Variants in CAB39L observed in about 807,000 individuals in gnomAD.
The protein encoded by CAB39L is calcium-binding protein 39-like.
A neutral mutation model predicts 39.1 loss-of-function variants in CAB39L; 23 were observed. The ratio of observed to expected loss-of-function variants is 0.59; its 90% CI spans 0.42 to 0.83. The LOEUF (loss-of-function observed/expected upper bound fraction) is 0.83, where lower values mean the gene tolerates loss of function less well. Ranked by LOEUF, CAB39L falls within the 40% of genes least tolerant of loss-of-function variation. The pLI is 0.00. For missense variants in CAB39L, 366 were observed against 391.9 expected, an observed-to-expected ratio of 0.93 and a Z score of 0.56; for synonymous variants, 126 against 137.2, an observed-to-expected ratio of 0.92 and a Z score of 0.57.
At chr13:49,322,421 C>T (rs146307680) in intron 10 of CAB39L, among the ~76,000 whole-genome samples, 60 of 152,304 alleles carry the variant, frequency 3.9e-4, no homozygotes, top group African/African-American at 1.4e-3. Context: ...TGGCCCGCAG[C>T]GACTGCTCAT....
chr13:49,365,137 A>C (rs1312220636), intron 5 of CAB39L, among the ~76,000 whole-genome samples: 2 of 152,158 alleles, frequency 1.3e-5, no homozygotes, highest in African/African-American at 2.4e-5. Context: ...ATCCAGAAAC[A>C]AATCTACACA....
At chr13:49,313,976 C>T (rs1342923591) in intron 10 of CAB39L, among the ~76,000 whole-genome samples, 4 of 152,180 alleles carry the variant, frequency 2.6e-5, no homozygotes, top group Non-Finnish European at 5.9e-5. Flanking sequence ...ACTGCAGAGG[C>T]TCCCATCCCA....
intron 7 of CAB39L, among the ~76,000 whole-genome samples, chr13:49,349,436 G>A (rs920403572): frequency 4.8e-5 from 7 of 147,106 alleles, no homozygotes; most frequent in Non-Finnish European, 1.0e-4. Flanking sequence ...AAATGCTTTT[G>A]AAGAAATGAA....
intron 1 of CAB39L, among the ~76,000 whole-genome samples, chr13:49,441,611 T>C (rs534357820): frequency 6.6e-6 from 1 of 152,188 alleles, no homozygotes. Context: ...TGTATGGACA[T>C]GCTGGAGTTT....
At chr13:49,382,438 C>G (rs1956269049) in intron 4 of CAB39L, 1 of 158,686 alleles carries the variant, frequency 6.3e-6, no homozygotes, top group Non-Finnish European at 1.4e-5. Context: ...TTAATAAGAC[C>G]TTAAAACCGT....
At chr13:49,380,195 T>C (rs1310788724) in intron 4 of CAB39L, among the ~76,000 whole-genome samples, 3 of 152,148 alleles carry the variant, frequency 2.0e-5, no homozygotes, top group East Asian at 1.9e-4. Flanking sequence ...CAATATAAAC[T>C]TTATGCTTGA....
At chr13:49,359,911 T>C (rs890088540) in intron 5 of CAB39L, 79 bp from the exon 6 acceptor site, 52 of 729,520 alleles carry the variant, frequency 7.1e-5, no homozygotes, top group Admixed American at 1.4e-4. Context: ...TATACATATA[T>C]ATATACACAC....
intron 3 of CAB39L, among the ~76,000 whole-genome samples, chr13:49,387,401 C>T (rs112966388): frequency 1.3e-5 from 2 of 152,074 alleles, no homozygotes; most frequent in African/African-American, 4.8e-5. Flanking sequence ...GCAGTGGGGA[C>T]AGGAAAAGAC....
At chr13:49,418,940 T>C (rs973977925) in intron 3 of CAB39L, among the ~76,000 whole-genome samples, 9 of 152,232 alleles carry the variant, frequency 5.9e-5, no homozygotes, top group Non-Finnish European at 7.3e-5. Context: ...AAGAACCTTA[T>C]GTTTTTAATT....
At chr13:49,431,525 G>A (rs536970770) in intron 3 of CAB39L, among the ~76,000 whole-genome samples, 4 of 152,078 alleles carry the variant, frequency 2.6e-5, no homozygotes, top group African/African-American at 9.6e-5. Flanking sequence ...TGGCCACCAT[G>A]GTGAAACCCC....
chr13:49,415,160 G>A (rs1298717764), intron 3 of CAB39L, among the ~76,000 whole-genome samples: 1 of 151,854 alleles, frequency 6.6e-6, no homozygotes, highest in Non-Finnish European at 1.5e-5. Flanking sequence ...TCATGCCACT[G>A]CACTCCAGTC....
intron 3 of CAB39L, among the ~76,000 whole-genome samples, chr13:49,425,912 T>G (rs1370032477): frequency 2.0e-5 from 3 of 152,244 alleles, no homozygotes; most frequent in Non-Finnish European, 2.9e-5. Flanking sequence ...ACTTGCTTTC[T>G]GCTAAGCAGT....
rs1483835774 is a variant in CAB39L at position 49,310,567 on chromosome 13, C to T, written c.*247G>A. On this transcript the variant is annotated 3_prime_UTR_variant, in exon 11 of 11. Transcript: ENST00000409308. ...GGCTCACATCTGCAAGTTAAAATTGCTTTTATCAACATCTGATACAATGGT... is the reference window on the plus strand; with the variant it reads ...GGCTCACATCTGCAAGTTAAAATTGTTTTTATCAACATCTGATACAATGGT... 5.7e-6 allele frequency: 2 copies of T among 349,030 alleles called. No homozygotes were observed. Among genetic ancestry groups the T allele is most frequent in the African/African-American group, 4.2e-5 (2 of 48,134 alleles). The allele number at this position is 349,030 out of a possible 1,614,324, so 21.6% of individuals were successfully genotyped here.
intron 4 of CAB39L, among the ~76,000 whole-genome samples, chr13:49,379,868 G>A (rs1956215938): frequency 6.8e-6 from 1 of 146,368 alleles, no homozygotes; most frequent in Non-Finnish European, 1.5e-5. Flanking sequence ...TTTAGATGGA[G>A]TCTTGCTCTG....
intron 5 of CAB39L, among the ~76,000 whole-genome samples, chr13:49,376,216 T>C (rs1164628635): frequency 6.6e-6 from 1 of 152,236 alleles, no homozygotes; most frequent in East Asian, 1.9e-4. Context: ...CCCAAGTACC[T>C]ACCTGATACG....
intron 6 of CAB39L, among the ~76,000 whole-genome samples, 183 bp downstream of exon 6, chr13:49,359,531 G>A (rs775319074): frequency 6.6e-6 from 1 of 152,172 alleles, no homozygotes; most frequent in Non-Finnish European, 1.5e-5. Context: ...ACATTAAGGT[G>A]CAAAGAAAGG....
chr13:49,431,308 T>C (rs1358991), intron 3 of CAB39L, among the ~76,000 whole-genome samples: 90,983 of 152,104 alleles, frequency 0.6, 27,385 homozygotes, highest in Non-Finnish European at 0.61. Context: ...TCCACTTTGT[T>C]ACAAATATTG....
At chr13:49,324,039 C>T (rs1398425232) in intron 10 of CAB39L, among the ~76,000 whole-genome samples, 5 of 152,006 alleles carry the variant, frequency 3.3e-5, no homozygotes, top group African/African-American at 1.2e-4. Context: ...TGGCTGGGTG[C>T]GGTGGCTCAT....
At chr13:49,416,415 G>A (rs900902717) in intron 3 of CAB39L, among the ~76,000 whole-genome samples, 1 of 152,228 alleles carries the variant, frequency 6.6e-6, no homozygotes, top group African/African-American at 2.4e-5. Flanking sequence ...CACATCTGAT[G>A]CAGTCTGATA....
Sources: gnomAD v4.1 joint callset for allele counts (sites outside exome capture counted in the v4.1 genomes callset) on GRCh38, gnomAD v4.1.1 for gene constraint, MANE v1.5 for transcripts, NCBI Gene and HGNC (gene_info 2026-07-23, HGNC 2026-07-21) for gene names.